Variants in PITPNA observed in about 807,000 individuals in gnomAD.
PITPNA encodes the protein phosphatidylinositol transfer protein alpha.
In PITPNA, 13 loss-of-function variants were observed where a neutral mutation model predicts 50.3. The ratio of observed to expected loss-of-function variants is 0.26; its 90% CI spans 0.17 to 0.41. The LOEUF (loss-of-function observed/expected upper bound fraction) is 0.41, where lower values mean the gene tolerates loss of function less well. Ranked by LOEUF, PITPNA falls within the 10% of genes least tolerant of loss-of-function variation. The pLI is 1.00. For synonymous variants in PITPNA, 120 were observed against 119.6 expected (o/e 1.00, Z -0.02); for missense variants, 207 against 333.4 (o/e 0.62, Z 2.95).
chr17:1,551,438 C>T (rs1012955041), intron 3 of PITPNA, among the ~76,000 whole-genome samples: 3 of 151,926 alleles, frequency 2.0e-5, no homozygotes, highest in Non-Finnish European at 2.9e-5. Context: ...ACTACAGACA[C>T]TCGCCACCAC....
intron 10 of PITPNA, among the ~76,000 whole-genome samples, chr17:1,526,702 G>A (rs929076172): frequency 3.3e-5 from 5 of 152,136 alleles, no homozygotes; most frequent in Admixed American, 1.3e-4. Context: ...GAACATGATA[G>A]CTTCCCCTAC....
At position 1,521,695 on chromosome 17, in the gene PITPNA, C is replaced by A. The variant is rs1430873937; in HGVS notation, c.769-50G>T. The A allele has an allele frequency of 7.4e-6, 11 of 1,491,570 alleles. No homozygotes were observed. The South Asian group carries it at 1.2e-4, about 17-fold the overall frequency. The allele number at this position is 1,491,570 out of a possible 1,614,324, so 92.4% of individuals were successfully genotyped here. On this transcript the variant is annotated intron_variant, in intron 10 of 11. Coordinates refer to ENST00000313486, the MANE Select transcript of PITPNA (RefSeq NM_006224.4). Reference sequence around the variant, plus strand: ...TGGAAGGCTCCTGCTGCTGATGGAACTCCTGCCTTCTCAGTCCTGCCCATA... The same window carrying A: ...TGGAAGGCTCCTGCTGCTGATGGAAATCCTGCCTTCTCAGTCCTGCCCATA...
chr17:1,538,758 C>A, intron 7 of PITPNA, 111 bp downstream of exon 7: 1 of 648,310 alleles, frequency 1.5e-6, no homozygotes, highest in South Asian at 1.9e-5. Context: ...ACAAGCAAGA[C>A]ACATCAGAAT....
chr17:1,527,275 G>A (rs1178947598), intron 10 of PITPNA, among the ~76,000 whole-genome samples: 1 of 152,020 alleles, frequency 6.6e-6, no homozygotes, highest in Non-Finnish European at 1.5e-5. Context: ...ATAGAGTTTC[G>A]CTCTGTTGCC....
intron 2 of PITPNA, among the ~76,000 whole-genome samples, chr17:1,558,230 CAA>C (rs11427981): frequency 3.8e-5 from 4 of 104,208 alleles, no homozygotes; most frequent in Non-Finnish European, 5.6e-5. Flanking sequence ...GACTCCGTCT[CAA>C]AAAAAAAAAA....
At chr17:1,537,123 G>A (rs1030589644) in intron 7 of PITPNA, among the ~76,000 whole-genome samples, 1 of 151,664 alleles carries the variant, frequency 6.6e-6, no homozygotes, top group African/African-American at 2.4e-5. Context: ...TGGTGCAAAG[G>A]CATGATCTCG....
In PITPNA at chr17:1,538,936, G is replaced by C. The variant is rs2075633240; in HGVS notation, c.389C>G (p.Pro130Arg). Residue 130 changes from proline (P) to arginine (R), a missense_variant, in exon 7 of 12, where the codon CCT becomes CGT. Transcript: ENST00000313486. Reference sequence around the variant, plus strand: ...GGCTTCCACGTGTTTCCACGCCTCAGGCTCCAGCTTATGCACCTGTGGGAA... The same window carrying C: ...GGCTTCCACGTGTTTCCACGCCTCACGCTCCAGCTTATGCACCTGTGGGAA... ...GTQENVHKLE[P>R]EAWKHVEAVY... 1.9e-6 allele frequency: 3 copies of C among 1,613,220 alleles called. No homozygotes were observed. In the East Asian group the frequency reaches 6.7e-5, roughly 36 times the overall value.
In PITPNA at chr17:1,542,245, C is replaced by A. The variant is rs992429431; in HGVS notation, c.298-605G>T. Among the ~76,000 whole-genome samples the A allele has an allele frequency of 5.3e-5, 8 of 151,920 alleles. 1 individual carries two copies. The highest frequency in any genetic ancestry group is 3.3e-4 in the Admixed American group (5 of 15,254). ...CAGAGATCACGACAGAGTTGGGTCT[C>A]AAAACAGTTTCGTCTGACTTCAGAA... On this transcript the variant is annotated intron_variant, in intron 5 of 11. Coordinates refer to ENST00000313486, the MANE Select transcript of PITPNA (RefSeq NM_006224.4).
intron 10 of PITPNA, among the ~76,000 whole-genome samples, chr17:1,524,265 C>G (rs62087961): frequency 3.3e-5 from 5 of 149,612 alleles, no homozygotes; most frequent in Non-Finnish European, 7.4e-5. Flanking sequence ...AGGATGGTCT[C>G]CATGTCCTGA....
intron 7 of PITPNA, 30 bp from the exon 8 acceptor site, chr17:1,535,548 G>A: frequency 2.8e-6 from 4 of 1,444,298 alleles, no homozygotes; most frequent in Non-Finnish European, 3.9e-6. Context: ...TGGGGTTGGA[G>A]GGGAGTGGGA....
chr17:1,529,995 T>C (rs1323877900), intron 10 of PITPNA, among the ~76,000 whole-genome samples: 1 of 152,230 alleles, frequency 6.6e-6, no homozygotes, highest in Non-Finnish European at 1.5e-5. Flanking sequence ...CCTCAACTTC[T>C]GTGAGCCACA....
chr17:1,559,116 G>T (rs376915802), intron 1 of PITPNA, among the ~76,000 whole-genome samples: 2 of 152,074 alleles, frequency 1.3e-5, no homozygotes, highest in African/African-American at 4.8e-5. Context: ...TCCAGGGGAA[G>T]GGCCAGGAAG....
chr17:1,536,594 TTTTTA>T (rs1277087329), intron 7 of PITPNA, among the ~76,000 whole-genome samples: 2 of 150,570 alleles, frequency 1.3e-5, no homozygotes, highest in Admixed American at 6.6e-5. Flanking sequence ...CTGCCTTATT[TTTTTA>T]TTTTATTTTT....
intron 10 of PITPNA, among the ~76,000 whole-genome samples, chr17:1,531,375 C>A (rs775216187): frequency 4.6e-5 from 7 of 151,990 alleles, no homozygotes; most frequent in Non-Finnish European, 7.4e-5. Context: ...GAGGTTCCCC[C>A]CACTGTAACT....
At position 1,534,242 on chromosome 17, in the gene PITPNA, C is replaced by T. The variant is rs755425650; in HGVS notation, c.646-21G>A. 2.1e-5 allele frequency: 34 copies of T among 1,613,248 alleles called. 1 individual carries two copies. Among genetic ancestry groups the T allele is most frequent in the African/African-American group, 1.6e-4 (12 of 74,898 alleles). On this transcript the variant is annotated intron_variant, in intron 9 of 11. Coordinates refer to ENST00000313486, the MANE Select transcript of PITPNA (RefSeq NM_006224.4). ...TCTTGCTATAGAAAGGAGGGAACCACGTTAGAACGCAGAAGGCAAAGGCTG... is the reference window on the plus strand; with the variant it reads ...TCTTGCTATAGAAAGGAGGGAACCATGTTAGAACGCAGAAGGCAAAGGCTG...
chr17:1,538,952 C>A lies in PITPNA; in HGVS notation c.373G>T (p.Val125Leu), dbSNP rs2075633322. Residue 125 changes from valine to leucine, a missense_variant and splice_region_variant, in exon 7 of 12, where the codon GTG (valine) becomes TTG (leucine). Transcript: ENST00000313486. ...CACGCCTCAGGCTCCAGCTTATGCA[C>A]CTGTGGGAACAAGTGGGGAACCACT... ...HKPDLGTQEN[V>L]HKLEPEAWKH... 1 of 1,610,096 alleles carries A rather than the reference C, an allele frequency of 6.2e-7. No homozygotes were observed. The highest frequency in any genetic ancestry group is 1.3e-5 in the African/African-American group (1 of 74,834).
intron 3 of PITPNA, among the ~76,000 whole-genome samples, chr17:1,551,023 CGGG>C (rs1212098666): frequency 1.3e-5 from 2 of 148,812 alleles, no homozygotes; most frequent in East Asian, 2.0e-4. Flanking sequence ...GCGGAGTCAG[CGGG>C]ACCTGATGGG....
intron 1 of PITPNA, among the ~76,000 whole-genome samples, chr17:1,560,560 T>C (rs1274673525): frequency 1.3e-5 from 2 of 152,176 alleles, no homozygotes; most frequent in African/African-American, 4.8e-5. Flanking sequence ...GGAGTGCCTC[T>C]CTTCAAACCT....
At position 1,529,155 on chromosome 17, in the gene PITPNA, A is replaced by G. The variant is rs199792764; in HGVS notation, c.768+4944T>C. Among the ~76,000 whole-genome samples the G allele has an allele frequency of 5.1e-3, 541 of 106,602 alleles. 2 individuals carry two copies. The highest frequency in any genetic ancestry group is 0.011 in the South Asian group (36 of 3,360). The allele number at this position is 106,602 out of a possible 152,430, so 69.9% of individuals were successfully genotyped here. The stretch of plus-strand genomic sequence containing the variant: ...TCCATCTCAAAAAAAAAAAAAAAAA[A>G]AGAGAGAGAGAGACTCCATGAGGGC... On this transcript the variant is annotated intron_variant, in intron 10 of 11. Coordinates refer to ENST00000313486, the MANE Select transcript of PITPNA (RefSeq NM_006224.4).
Sources: allele counts gnomAD v4.1 joint callset (sites outside exome capture counted in the v4.1 genomes callset), GRCh38; gene constraint gnomAD v4.1.1; transcripts MANE v1.5; gene names NCBI Gene and HGNC (gene_info 2026-07-23, HGNC 2026-07-21).